KDM2B: variants seen among roughly 807,000 people sequenced by gnomAD.
KDM2B encodes lysine demethylase 2B.
A neutral mutation model predicts 150.0 loss-of-function variants in KDM2B; 26 were observed. The ratio of observed to expected loss-of-function variants is 0.17; its 90% CI spans 0.13 to 0.24. The LOEUF is 0.24. Ranked by LOEUF, KDM2B falls within the 10% of genes least tolerant of loss-of-function variation. The pLI, the probability that KDM2B is intolerant of heterozygous loss-of-function variation, is 1.00. For missense variants in KDM2B, 1,265 were observed against 1,816.9 expected (o/e 0.70, Z 5.52); for synonymous variants, 734 against 729.5 (o/e 1.01, Z -0.10).
chr12:121,439,552 T>TC (rs1874615141), intron 22 of KDM2B, among the ~76,000 whole-genome samples: 5 of 151,426 alleles, frequency 3.3e-5, no homozygotes, highest in Admixed American at 3.3e-4. Context: ...GGCTAATTTT[T>TC]GTATTTTTTT....
chr12:121,519,576 T>C (rs1041324544), intron 9 of KDM2B, among the ~76,000 whole-genome samples: 39 of 152,066 alleles, frequency 2.6e-4, no homozygotes, highest in African/African-American at 8.7e-4. Context: ...ATGTCCAGAA[T>C]AGGCAAATCC....
the KDM2B span, chr12:121,420,017 TAC>T: frequency 4.4e-6 from 2 of 453,200 alleles, no homozygotes; most frequent in Non-Finnish European, 4.1e-6. Context: ...TTTATAACTT[TAC>T]ACACACACAG....
At chr12:121,543,714 C>A (rs1555310101) in intron 6 of KDM2B, among the ~76,000 whole-genome samples, 3 of 152,024 alleles carry the variant, frequency 2.0e-5, no homozygotes, top group Non-Finnish European at 4.4e-5. Context: ...ATCCCAGCTA[C>A]TCAGGAGGCT....
chr12:121,549,715 C>G lies in KDM2B; in HGVS notation c.398-77G>C. On this transcript the variant is annotated intron_variant, in intron 4 of 22. Transcript: ENST00000377071. This position sits in a 1 kb window ranked among gnomAD's most constrained non-coding sequence, Gnocchi z 4.4. ...TCCTACATGGGAGCCCCTCACTAAACAAAAGCTGCTCCTCCACGTTTCCCC... is the reference window on the plus strand; with the variant it reads ...TCCTACATGGGAGCCCCTCACTAAAGAAAAGCTGCTCCTCCACGTTTCCCC... 2 of 1,356,154 alleles carry G rather than the reference C, an allele frequency of 1.5e-6. No individual in the cohort carries two copies. The highest frequency in any genetic ancestry group is 2.0e-6 in the Non-Finnish European group (2 of 994,996). 84.0% of individuals were successfully genotyped at this position (1,356,154 alleles called of 1,614,324 possible). A position where few individuals can be genotyped will look rare whatever the true frequency, so the allele number is the denominator to read the frequency against.
Position 121,430,329 on chromosome 12 carries a change from A to G in KDM2B, c.3970T>C (p.Phe1324Leu), listed in dbSNP as rs782172370. 6.2e-7 allele frequency: 1 copy of G among 1,614,098 alleles called. No individual in the cohort carries two copies. The highest frequency in any genetic ancestry group is 8.5e-7 in the Non-Finnish European group (1 of 1,180,010). The change falls in exon 23 of 23, where the codon TTT becomes CTT. Residue 1324 changes from phenylalanine to leucine, a missense_variant. Phe to Leu is a conservative substitution (Grantham distance 22). Transcript: ENST00000377071. The surrounding 1 kb of genome is among the most constrained non-coding windows in gnomAD (Gnocchi z 4.4). ...FIAEMSVSVQ[F>L]GQVEEKLLQK... ...AGGAGTTTTTCTTCTACTTGCCCAA[A>G]CTGGACACTCACAGACATCTCGGCT...
intron 12 of KDM2B, among the ~76,000 whole-genome samples, chr12:121,484,046 T>C (rs1354138861): frequency 2.6e-5 from 4 of 152,090 alleles, no homozygotes; most frequent in Middle Eastern, 3.4e-3. Context: ...TGGTCTGCCA[T>C]GGATGGAAAC....
At chr12:121,525,327 TG>T (rs769279011) in intron 8 of KDM2B, among the ~76,000 whole-genome samples, 2 of 152,036 alleles carry the variant, frequency 1.3e-5, no homozygotes, top group Non-Finnish European at 2.9e-5. Context: ...AGTGCAGTGG[TG>T]CCATCTCGGC....
At position 121,439,986 on chromosome 12, in the gene KDM2B, T is replaced by C; in HGVS notation, c.3700A>G (p.Ile1234Val). Residue 1234 changes from isoleucine to valine, a missense_variant, in exon 22 of 23, where the codon ATC (isoleucine) becomes GTC (valine). Transcript: ENST00000377071. ...DITDASLRLI[I>V]RHMPLLSKLH... ...TTGGAGAGCAGGGGCATGTGGCGGA[T>C]GATGAGCCGCAGGGAGGCATCTGTG... 4 of 1,614,102 alleles carry C rather than the reference T, an allele frequency of 2.5e-6. No individual in the cohort carries two copies. Among genetic ancestry groups the C allele is most frequent in the South Asian group, 1.1e-5 (1 of 91,080 alleles).
intron 11 of KDM2B, among the ~76,000 whole-genome samples, chr12:121,501,695 A>G (rs11065601): frequency 0.014 from 2,174 of 151,880 alleles, 52 homozygotes; most frequent in East Asian, 0.13. Context: ...ACCTCAGCTC[A>G]CTGCAACCTC....
chr12:121,561,481 G>A (rs976911655), intron 4 of KDM2B, among the ~76,000 whole-genome samples: 1 of 152,110 alleles, frequency 6.6e-6, no homozygotes, highest in East Asian at 1.9e-4. Context: ...TGATACGCCC[G>A]CCTCAGCCTC....
intron 19 of KDM2B, among the ~76,000 whole-genome samples, 174 bp from the exon 20 acceptor site, chr12:121,441,407 C>T (rs1875014576): frequency 6.6e-6 from 1 of 152,140 alleles, no homozygotes; most frequent in African/African-American, 2.4e-5. Flanking sequence ...CTCCCACCTG[C>T]TCTAACAGCC....
intron 8 of KDM2B, among the ~76,000 whole-genome samples, chr12:121,522,857 G>A (rs1425292507): frequency 6.6e-6 from 1 of 152,128 alleles, no homozygotes; most frequent in Non-Finnish European, 1.5e-5. Flanking sequence ...CAAAAATTAT[G>A]GATGAGGAAA....
intron 8 of KDM2B, among the ~76,000 whole-genome samples, chr12:121,532,596 G>C (rs1235077469): frequency 6.6e-6 from 1 of 152,236 alleles, no homozygotes; most frequent in East Asian, 1.9e-4. Context: ...CTCCAAGGGA[G>C]AGAGAATTCC....
At position 121,467,347 on chromosome 12, in the gene KDM2B, G is replaced by A. The variant is rs1227718593; in HGVS notation, c.1735-14003C>T. 1.1e-4 allele frequency: 107 copies of A among 981,634 alleles called. No homozygotes were observed. The African/African-American group carries it at 1.7e-3, about 15-fold the overall frequency. The allele number at this position is 981,634 out of a possible 1,614,324, so 60.8% of individuals were successfully genotyped here. ...TCGGGCTCCCGCTGCCGCGAGGAGG[G>A]AGCCGCGCCGCGCGCCTCGCACGCC... is the stretch of plus-strand genomic sequence containing the variant. On this transcript the variant is annotated intron_variant, in intron 12 of 22. Transcript: ENST00000377071. The surrounding 1 kb of genome is among the most constrained non-coding windows in gnomAD (Gnocchi z 5.1).
At chr12:121,580,342 G>T in intron 1 of KDM2B, 2 of 1,054,368 alleles carry the variant, frequency 1.9e-6, no homozygotes, top group Non-Finnish European at 1.1e-6. Flanking sequence ...TATTTGGGGG[G>T]GCTCTCGGCC....
chr12:121,434,500 CAAAAAAAAA>C (rs1166374523), intron 22 of KDM2B, among the ~76,000 whole-genome samples: 35 of 62,296 alleles, frequency 5.6e-4, no homozygotes, highest in East Asian at 3.8e-3. Context: ...GACTCTCTAT[CAAAAAAAAA>C]AAAAAAAAAA....
chr12:121,414,279 A>G, the KDM2B span, among the ~76,000 whole-genome samples: 1 of 152,264 alleles, frequency 6.6e-6, no homozygotes, highest in Admixed American at 6.5e-5. Context: ...CACATTATCT[A>G]GATTCTAGAA....
At chr12:121,423,631 A>G in the KDM2B span, 309 of 1,471,454 alleles carry the variant, frequency 2.1e-4, 4 homozygotes, top group South Asian at 2.6e-3. This position sits in a 1 kb window ranked among gnomAD's most constrained non-coding sequence, Gnocchi z 4.3. Flanking sequence ...CAACATTTCA[A>G]TGCACAGAAG....
intron 4 of KDM2B, among the ~76,000 whole-genome samples, chr12:121,558,939 C>A (rs560308903): frequency 6.6e-6 from 1 of 152,284 alleles, no homozygotes; most frequent in Non-Finnish European, 1.5e-5. Flanking sequence ...GCCGCCCTCC[C>A]CAGCACCTCC....
Sources: gnomAD v4.1 joint callset for allele counts (sites outside exome capture counted in the v4.1 genomes callset) on GRCh38, gnomAD v4.1.1 for gene constraint, Gnocchi (gnomAD v3.1) non-coding constraint, MANE v1.5 for transcripts, NCBI Gene and HGNC (gene_info 2026-07-23, HGNC 2026-07-21) for gene names.